Variants in KCNH5 observed in about 807,000 individuals in gnomAD.
KCNH5 encodes voltage-gated delayed rectifier potassium channel KCNH5.
Under a neutral mutation model 96.1 loss-of-function variants are expected in KCNH5, and 46 were observed. The ratio of observed to expected loss-of-function variants is 0.48; its 90% confidence interval spans 0.38 to 0.61. The LOEUF (loss-of-function observed/expected upper bound fraction) is 0.61. Ranked by LOEUF, KCNH5 falls within the 20% of genes least tolerant of loss-of-function variation. The pLI, the probability that KCNH5 is intolerant of heterozygous loss-of-function variation, is 0.00. For missense variants in KCNH5, 907 were observed against 1,225.8 expected (o/e 0.74, Z 3.88); for synonymous variants, 439 against 449.8 (o/e 0.98, Z 0.30).
intron 7 of KCNH5, among the ~76,000 whole-genome samples, chr14:62,878,205 G>C (rs894330899): frequency 9.6e-5 from 14 of 146,248 alleles, no homozygotes; most frequent in South Asian, 6.4e-4. Context: ...TGGGGATGGG[G>C]GGGGGGGCGG....
chr14:63,008,671 T>C (rs924181940), intron 2 of KCNH5, among the ~76,000 whole-genome samples: 1 of 151,954 alleles, frequency 6.6e-6, no homozygotes, highest in Non-Finnish European at 1.5e-5. Context: ...CAGAATAAAA[T>C]GACAGACTCT....
At chr14:62,750,179 G>A (rs1399859239) in intron 10 of KCNH5, among the ~76,000 whole-genome samples, 2 of 152,130 alleles carry the variant, frequency 1.3e-5, no homozygotes, top group Non-Finnish European at 2.9e-5. Flanking sequence ...GGTTATTTGG[G>A]TTATTCCAGG....
chr14:62,768,498 G>GC (rs1336894735), intron 10 of KCNH5, among the ~76,000 whole-genome samples: 1 of 152,148 alleles, frequency 6.6e-6, no homozygotes, highest in African/African-American at 2.4e-5. Flanking sequence ...AAACAGTCTA[G>GC]CGTCCAGCTA....
intron 10 of KCNH5, among the ~76,000 whole-genome samples, chr14:62,714,344 TA>T (rs1884638470): frequency 6.6e-6 from 1 of 152,198 alleles, no homozygotes; most frequent in Non-Finnish European, 1.5e-5. Context: ...ATGCATATAG[TA>T]AAATGGTTCA....
intron 10 of KCNH5, among the ~76,000 whole-genome samples, chr14:62,727,506 GA>G (rs1884954826): frequency 6.6e-6 from 1 of 152,134 alleles, no homozygotes; most frequent in African/African-American, 2.4e-5. Flanking sequence ...TTCAGTTTGT[GA>G]AAATGCATCA....
chr14:63,013,588 C>T lies in KCNH5; in HGVS notation c.197+3243G>A, dbSNP rs188660081. ...TGTGCACCTCATTTTCTTTTTTTCTCTCTCTGTTATTTTGTGTCTCACACT... is the reference window on the plus strand; with the variant it reads ...TGTGCACCTCATTTTCTTTTTTTCTTTCTCTGTTATTTTGTGTCTCACACT... On this transcript the variant is annotated intron_variant, in intron 2 of 10. Transcript: ENST00000322893. Among the ~76,000 whole-genome samples, 603 of 151,946 alleles carry T rather than the reference C, an allele frequency of 4.0e-3. 8 individuals carry two copies. The highest frequency in any genetic ancestry group is 0.014 in the African/African-American group (573 of 41,462).
intron 7 of KCNH5, among the ~76,000 whole-genome samples, chr14:62,857,926 TAA>T (rs2140054007): frequency 6.6e-6 from 1 of 152,118 alleles, no homozygotes; most frequent in East Asian, 1.9e-4. Context: ...AATCTTCAAA[TAA>T]AGACAATAAT....
rs375695583 is a variant in KCNH5 at position 62,853,494 on chromosome 14, A to ATATATATATG, written c.1370-3643_1370-3642insCATATATATA. Among the ~76,000 whole-genome samples, 17 of 102,116 alleles carry ATATATATATG rather than the reference A, an allele frequency of 1.7e-4. 1 individual carries two copies. Among genetic ancestry groups the ATATATATATG allele is most frequent in the Admixed American group, 2.8e-4 (3 of 10,812 alleles). The allele number at this position is 102,116 out of a possible 152,430, so 67.0% of individuals were successfully genotyped here. ...ATATATATATATCATATATATATAT[A>ATATATATATG]ATCTTGGCCACATATAATCATAGCA... On this transcript the variant is annotated intron_variant, in intron 7 of 10. Transcript: ENST00000322893.
intron 8 of KCNH5, among the ~76,000 whole-genome samples, chr14:62,818,751 A>C (rs907531481): frequency 7.2e-5 from 11 of 152,186 alleles, no homozygotes; most frequent in African/African-American, 2.7e-4. Context: ...ACAGCCAAAA[A>C]TTAGAAGCAA....
chr14:62,786,888 T>C (rs1886331166), intron 9 of KCNH5, among the ~76,000 whole-genome samples: 1 of 152,194 alleles, frequency 6.6e-6, no homozygotes. Flanking sequence ...ATATTGTGTG[T>C]GTTTTAACTA....
intron 7 of KCNH5, among the ~76,000 whole-genome samples, chr14:62,925,886 A>C (rs1889466984): frequency 6.6e-6 from 1 of 152,134 alleles, no homozygotes; most frequent in Non-Finnish European, 1.5e-5. Flanking sequence ...TAAGAAAAAC[A>C]CGACTTGGAA....
chr14:62,709,487 G>A (rs1252570201), intron 10 of KCNH5, among the ~76,000 whole-genome samples: 3 of 152,012 alleles, frequency 2.0e-5, no homozygotes, highest in Non-Finnish European at 2.9e-5. Flanking sequence ...AAACTGCCTC[G>A]AAAACTCATG....
At chr14:62,800,831 G>T (rs1238303113) in intron 9 of KCNH5, among the ~76,000 whole-genome samples, 1 of 151,450 alleles carries the variant, frequency 6.6e-6, no homozygotes, top group Admixed American at 6.6e-5. Context: ...TTTATGAAGG[G>T]TTATATTTAT....
At chr14:62,873,161 A>AAAAG (rs1555361125) in intron 7 of KCNH5, among the ~76,000 whole-genome samples, 32 of 151,908 alleles carry the variant, frequency 2.1e-4, no homozygotes, top group Non-Finnish European at 3.2e-4. Flanking sequence ...AAAAAAAAAA[A>AAAAG]AAGAAGAAGA....
intron 10 of KCNH5, among the ~76,000 whole-genome samples, chr14:62,717,816 T>C (rs1476203571): frequency 2.6e-5 from 4 of 152,220 alleles, no homozygotes; most frequent in African/African-American, 7.2e-5. Context: ...TTAAAAATGC[T>C]TGTACTTCAA....
intron 8 of KCNH5, among the ~76,000 whole-genome samples, chr14:62,818,013 A>G (rs367892537): frequency 6.7e-6 from 1 of 149,484 alleles, no homozygotes; most frequent in Non-Finnish European, 1.5e-5. Context: ...AGCCAGATGA[A>G]TAAAGACTAA....
chr14:62,979,211 T>C (rs976183556), intron 6 of KCNH5, among the ~76,000 whole-genome samples: 1 of 152,106 alleles, frequency 6.6e-6, no homozygotes, highest in African/African-American at 2.4e-5. Context: ...GTGCAAAACA[T>C]AAATACTGCT....
rs538805083 is a variant in KCNH5, at chr14:62,810,162, C to T, written c.1570-7581G>A. On this transcript the variant is annotated intron_variant, in intron 8 of 10. Transcript: ENST00000322893. ...CTTAAACTAAACACTTATCAATCTT[C>T]CAGATATCACCTCTTGTCGAAACTC... 4.6e-5 allele frequency among the ~76,000 whole-genome samples: 7 copies of T among 152,236 alleles called. No individual in the cohort carries two copies. In the South Asian group the frequency reaches 1.2e-3, roughly 27 times the overall value.
rs1410997055 is a variant in KCNH5, at chr14:62,853,453, A to AATCATATATATATATATATATATATAT, written c.1370-3628_1370-3602dup. ...AAATCATTTCCCAAACAAAAAGAAT[A>AATCATATATATATATATATATATATAT]ATCATATATATATATATATATATAT... On this transcript the variant is annotated intron_variant, in intron 7 of 10. Coordinates refer to ENST00000322893, the MANE Select transcript of KCNH5 (RefSeq NM_139318.5). Among the ~76,000 whole-genome samples, 62 of 30,380 alleles carry AATCATATATATATATATATATATATAT rather than the reference A, an allele frequency of 2.0e-3. 1 individual carries two copies. Among genetic ancestry groups the AATCATATATATATATATATATATATAT allele is most frequent in the African/African-American group, 6.4e-3 (49 of 7,698 alleles). The allele number at this position is 30,380 out of a possible 152,430, so 19.9% of individuals were successfully genotyped here.
Sources: allele counts gnomAD v4.1 joint callset (sites outside exome capture counted in the v4.1 genomes callset), GRCh38; gene constraint gnomAD v4.1.1; transcripts MANE v1.5; gene names NCBI Gene and HGNC (gene_info 2026-07-23, HGNC 2026-07-21).